The following CASS4 variants were observed in gnomAD, a reference collection of about 807,000 sequenced individuals.
CASS4 encodes the protein Cas scaffold protein family member 4, also known as cas scaffolding protein family member 4.
CASS4 carries 22 observed loss-of-function variants against 54.2 expected under a neutral mutation model. That is an observed-to-expected ratio of 0.41 (90% confidence interval 0.29 to 0.58). The LOEUF is 0.58. Ranked by LOEUF, CASS4 falls within the 20% of genes least tolerant of loss-of-function variation. The pLI is 0.36. For synonymous variants in CASS4, 409 were observed against 391.5 expected, an observed-to-expected ratio of 1.04 and a Z score of -0.53; for missense variants, 854 against 986.7, an observed-to-expected ratio of 0.87 and a Z score of 1.80.
rs893436145 is a variant in CASS4, at chr20:56,414,007, G to A, written c.36+1513G>A. Reference sequence around the variant, plus strand: ...GAAAATAAATGGCCAATACAATGACGCTCCACCCCTAAACTTCATTATGTG... The same window carrying A: ...GAAAATAAATGGCCAATACAATGACACTCCACCCCTAAACTTCATTATGTG... On this transcript the variant is annotated intron_variant, in intron 1 of 5. Transcript: ENST00000679887. The surrounding 1 kb of genome is among the most constrained non-coding windows in gnomAD (Gnocchi z 4.1). Among the ~76,000 whole-genome samples, 6 of 152,088 alleles carry A rather than the reference G, an allele frequency of 3.9e-5. No homozygotes were observed. Among genetic ancestry groups the A allele is most frequent in the African/African-American group, 1.4e-4 (6 of 41,414 alleles).
chr20:56,458,675 G>A lies in CASS4; in HGVS notation c.2289G>A (p.Ala763=), dbSNP rs772143299. ...TGCTCACGTACCCCAGCCCTGCCGCGCTGGGGCACCTCCAGGCGGAGGCTG... is the reference window on the plus strand; with the variant it reads ...TGCTCACGTACCCCAGCCCTGCCGCACTGGGGCACCTCCAGGCGGAGGCTG... ...NAVLTYPSPA[A]LGHLQAEAEK... The change falls in exon 6 of 6, where the codon GCG becomes GCA. Residue 763 remains alanine, a synonymous_variant. Transcript: ENST00000679887. 8.1e-6 allele frequency: 13 copies of A among 1,612,766 alleles called. No individual in the cohort carries two copies. Among genetic ancestry groups the A allele is most frequent in the Admixed American group, 1.7e-5 (1 of 59,918 alleles).
chr20:56,422,762 A>T (rs1195646941), intron 1 of CASS4, among the ~76,000 whole-genome samples: 5 of 152,326 alleles, frequency 3.3e-5, no homozygotes, highest in South Asian at 4.1e-4. Context: ...AACCAGTTAA[A>T]GTTTGCGTTT....
Position 56,412,542 on chromosome 20 carries a change from GTGA to G in CASS4, c.36+53_36+55del. The G allele has an allele frequency of 6.3e-7, 1 of 1,592,344 alleles. No individual in the cohort carries two copies. Among genetic ancestry groups the G allele is most frequent in the Non-Finnish European group, 8.6e-7 (1 of 1,166,642 alleles). ...AATGGGCTCTGGCGGGGAGCAAGCT[GTGA>G]TGATTAAGGGTGTTGACCAGCTTTA... On this transcript the variant is annotated intron_variant, in intron 1 of 5. Transcript: ENST00000679887. The surrounding 1 kb of genome is among the most constrained non-coding windows in gnomAD (Gnocchi z 4.2).
chr20:56,416,618 TC>T (rs894457477), intron 1 of CASS4, among the ~76,000 whole-genome samples: 1 of 152,112 alleles, frequency 6.6e-6, no homozygotes, highest in Non-Finnish European at 1.5e-5. Context: ...AGCCCTTTTT[TC>T]CCCAATAACA....
At chr20:56,454,445 C>T (rs1421443086) in intron 5 of CASS4, among the ~76,000 whole-genome samples, 1 of 152,166 alleles carries the variant, frequency 6.6e-6, no homozygotes, top group Non-Finnish European at 1.5e-5. Context: ...TAACTTTAAA[C>T]AAACCATGTG....
intron 1 of CASS4, among the ~76,000 whole-genome samples, chr20:56,425,199 G>A (rs1478919029): frequency 6.6e-6 from 1 of 152,216 alleles, no homozygotes; most frequent in Admixed American, 6.5e-5. Flanking sequence ...AGGGCAGCGA[G>A]CCTCCCCCAG....
rs752780274 is a variant in CASS4, at chr20:56,452,180, T to C, written c.1004T>C (p.Phe335Ser). ...GTCAGCTACAAGGTTCCTTCAAGCT[T>C]TCTGATTCCCCGAGTGGAACAGCAG... ...EDVSYKVPSS[F>S]LIPRVEQQNT... Residue 335 changes from phenylalanine to serine, a missense_variant, in exon 5 of 6, where the codon TTT becomes TCT. Physicochemically the swap from Phe to Ser is radical, Grantham distance 155 (BLOSUM62 -2). Transcript: ENST00000679887. 7 of 1,614,176 alleles carry C rather than the reference T, an allele frequency of 4.3e-6. No individual in the cohort carries two copies. The highest frequency in any genetic ancestry group is 4.2e-6 in the Non-Finnish European group (5 of 1,180,028).
At chr20:56,454,739 T>C (rs980715622) in intron 5 of CASS4, among the ~76,000 whole-genome samples, 4 of 152,212 alleles carry the variant, frequency 2.6e-5, no homozygotes, top group Non-Finnish European at 5.9e-5. Flanking sequence ...GGAACCATGG[T>C]AAGCTATAGC....
chr20:56,449,517 G>T (rs1415261532), intron 3 of CASS4, among the ~76,000 whole-genome samples: 1 of 151,184 alleles, frequency 6.6e-6, no homozygotes, highest in South Asian at 2.1e-4. Flanking sequence ...TGTAAATGAC[G>T]AGTTAATGGG....
intron 1 of CASS4, among the ~76,000 whole-genome samples, chr20:56,434,988 T>G (rs972892178): frequency 5.9e-5 from 9 of 152,240 alleles, no homozygotes; most frequent in African/African-American, 2.2e-4. Context: ...TTAATGAACT[T>G]TTATTACTTT....
At chr20:56,445,110 C>CAA (rs112103060) in intron 2 of CASS4, among the ~76,000 whole-genome samples, 76 of 141,262 alleles carry the variant, frequency 5.4e-4, no homozygotes, top group African/African-American at 1.9e-3. Flanking sequence ...AGATCCATCT[C>CAA]AAAAAAAAAA....
chr20:56,445,617 G>T (rs1197228476), intron 2 of CASS4, among the ~76,000 whole-genome samples: 1 of 152,122 alleles, frequency 6.6e-6, no homozygotes, highest in Non-Finnish European at 1.5e-5. Flanking sequence ...TCCAACTCGC[G>T]TGGGCCCAAG....
rs571310846 is a variant in CASS4, at chr20:56,453,304, G to A, written c.1953+175G>A. ...ATTCTTGATGAAATCTTATTAACAA[G>A]TCAGATAAAGATAGGTCAGCATAGG... On this transcript the variant is annotated intron_variant, in intron 5 of 5. Coordinates refer to ENST00000679887, the MANE Select transcript of CASS4 (RefSeq NM_020356.4). 6.8e-6 allele frequency: 4 copies of A among 590,514 alleles called. No individual in the cohort carries two copies. In the East Asian group the frequency reaches 8.7e-5, roughly 13 times the overall value. 36.6% of individuals were successfully genotyped at this position (590,514 alleles called of 1,614,324 possible).
chr20:56,416,078 T>C (rs560624348), intron 1 of CASS4, among the ~76,000 whole-genome samples: 6 of 152,234 alleles, frequency 3.9e-5, no homozygotes, highest in African/African-American at 1.4e-4. Context: ...GAGGTGGAGT[T>C]TCACTCTGTC....
rs1978916054 is a variant in CASS4, at chr20:56,412,379, T to C, written c.-80T>C. The C allele has an allele frequency of 4.8e-6, 7 of 1,443,700 alleles. No homozygotes were observed. The highest frequency in any genetic ancestry group is 6.8e-6 in the Non-Finnish European group (7 of 1,035,876). 89.4% of individuals were successfully genotyped at this position (1,443,700 alleles called of 1,614,324 possible). On this transcript the variant is annotated 5_prime_UTR_variant, in exon 1 of 6. An upstream start codon of the reference 5' UTR is lost. Transcript: ENST00000679887. This position sits in a 1 kb window ranked among gnomAD's most constrained non-coding sequence, Gnocchi z 4.2. ...AGTTTCTGAGAACCAGCCAGAAGCATGCAGTGACATTGCACAATCTGCCTC... is the reference window on the plus strand; with the variant it reads ...AGTTTCTGAGAACCAGCCAGAAGCACGCAGTGACATTGCACAATCTGCCTC...
At chr20:56,432,355 CTTTTTTTTTTTTTTTTTT>C (rs922336949) in intron 1 of CASS4, among the ~76,000 whole-genome samples, 4 of 101,064 alleles carry the variant, frequency 4.0e-5, no homozygotes, top group Non-Finnish European at 6.1e-5. Context: ...TTCATAAGTC[CTTTTTTTTTTTTTTTTTT>C]TTTTTTTTTT....
chr20:56,419,812 G>A (rs1049914522), intron 1 of CASS4, among the ~76,000 whole-genome samples: 8 of 152,202 alleles, frequency 5.3e-5, no homozygotes, highest in African/African-American at 1.9e-4. Flanking sequence ...GGAGGCCAAG[G>A]CAGGTGGATC....
rs571250552 is a variant in CASS4, at chr20:56,459,418, G to A, written c.*671G>A. On this transcript the variant is annotated 3_prime_UTR_variant, in exon 6 of 6. Transcript: ENST00000679887. ...AGCATAAATATGTGTGCCCTCTCAT[G>A]TGCAATTCCTTATAGGGCTAGCTTG... is the stretch of plus-strand genomic sequence containing the variant. The A allele has an allele frequency of 1.4e-4, 36 of 261,222 alleles. No individual in the cohort carries two copies. The South Asian group carries it at 1.5e-3, about 11-fold the overall frequency. The allele number at this position is 261,222 out of a possible 1,614,324, so 16.2% of individuals were successfully genotyped here.
rs952894347 is a variant in CASS4, at chr20:56,453,262, AAAT to A, written c.1953+134_1953+136del. On this transcript the variant is annotated intron_variant, in intron 5 of 5. Coordinates refer to ENST00000679887, the MANE Select transcript of CASS4 (RefSeq NM_020356.4). ...CACTGGTTCCATTTTCTAGAAAATA[AAAT>A]TTATGAAAGTAAAATTCTTGATGAA... 49 of 667,258 alleles carry A rather than the reference AAAT, an allele frequency of 7.3e-5. No homozygotes were observed. In the African/African-American group the frequency reaches 8.7e-4, roughly 12 times the overall value. 41.3% of individuals were successfully genotyped at this position (667,258 alleles called of 1,614,324 possible). A position where few individuals can be genotyped will look rare whatever the true frequency, so the allele number is the denominator to read the frequency against.
Sources: allele counts gnomAD v4.1 joint callset (sites outside exome capture counted in the v4.1 genomes callset), GRCh38; gene constraint gnomAD v4.1.1; non-coding constraint Gnocchi (gnomAD v3.1); transcripts MANE v1.5; gene names NCBI Gene and HGNC (gene_info 2026-07-23, HGNC 2026-07-21).